GABRG1: variants seen among roughly 807,000 people sequenced by gnomAD.
GABRG1 encodes the protein gamma-aminobutyric acid receptor subunit gamma-1.
Under a neutral mutation model 49.8 loss-of-function variants are expected in GABRG1, and 49 were observed. The ratio of observed to expected loss-of-function variants is 0.98; its 90% CI spans 0.78 to 1.25. The LOEUF (loss-of-function observed/expected upper bound fraction) is 1.25. GABRG1 is among the 50% of genes most tolerant of loss of function. GABRG1 has a pLI of 0.00. For synonymous variants in GABRG1, 232 were observed against 185.1 expected (o/e 1.25, Z -2.06); for missense variants, 552 against 552.3 (o/e 1.00, Z 0.01).
At chr4:46,105,021 G>C (rs755590529) in intron 1 of GABRG1, among the ~76,000 whole-genome samples, 1 of 151,358 alleles carries the variant, frequency 6.6e-6, no homozygotes, top group Non-Finnish European at 1.5e-5. Context: ...ACTTCCTCTT[G>C]AAAACGGTAA....
intron 7 of GABRG1, among the ~76,000 whole-genome samples, chr4:46,052,601 G>T (rs562053352): frequency 4.0e-5 from 6 of 151,826 alleles, no homozygotes; most frequent in African/African-American, 1.4e-4. Flanking sequence ...TTAATCTTAG[G>T]TCTCCTAAAT....
intron 1 of GABRG1, among the ~76,000 whole-genome samples, chr4:46,118,366 C>G (rs79855076): frequency 6.7e-6 from 1 of 150,312 alleles, no homozygotes; most frequent in African/African-American, 2.4e-5. Flanking sequence ...AATATTTTCC[C>G]AGAGTTGCAA....
At chr4:46,119,811 G>A (rs16859096) in intron 1 of GABRG1, among the ~76,000 whole-genome samples, 14,247 of 151,350 alleles carry the variant, frequency 0.094, 1,656 homozygotes, top group African/African-American at 0.28. Context: ...CCATGAATAA[G>A]CATAAGCTGC....
intron 3 of GABRG1, among the ~76,000 whole-genome samples, chr4:46,076,799 A>C (rs114243532): frequency 2.0e-5 from 3 of 151,830 alleles, no homozygotes; most frequent in Non-Finnish European, 2.9e-5. Flanking sequence ...TCTATCTTGA[A>C]GTTTCAAAAA....
At position 46,074,612 on chromosome 4, in the gene GABRG1, G is replaced by C. The variant is rs561042768; in HGVS notation, c.322-9028C>G. ...TTTTTATTATAACAAAATGTCCGAAGTCAAGATATTTAAATAAGTTTTCTC... is the reference window on the plus strand; with the variant it reads ...TTTTTATTATAACAAAATGTCCGAACTCAAGATATTTAAATAAGTTTTCTC... On this transcript the variant is annotated intron_variant, in intron 3 of 8. Transcript: ENST00000295452. Among the ~76,000 whole-genome samples, 3 of 152,178 alleles carry C rather than the reference G, an allele frequency of 2.0e-5. No homozygotes were observed. In the East Asian group the frequency reaches 5.8e-4, roughly 29 times the overall value.
At chr4:46,081,669 T>C (rs2109421251) in intron 3 of GABRG1, among the ~76,000 whole-genome samples, 1 of 151,974 alleles carries the variant, frequency 6.6e-6, no homozygotes, top group Middle Eastern at 3.4e-3. Flanking sequence ...ATTTGAGAAT[T>C]ATCTTTGGAA....
chr4:46,050,789 T>C (rs906634785), intron 8 of GABRG1, among the ~76,000 whole-genome samples: 3 of 151,854 alleles, frequency 2.0e-5, no homozygotes, highest in African/African-American at 7.2e-5. Context: ...AAATCATGCA[T>C]GTAAAATGCT....
chr4:46,072,987 A>G (rs1719187716), intron 3 of GABRG1, among the ~76,000 whole-genome samples: 1 of 151,972 alleles, frequency 6.6e-6, no homozygotes, highest in South Asian at 2.1e-4. Flanking sequence ...AAAATCTAGC[A>G]ATCTGGCAAA....
chr4:46,103,937 G>A (rs1391167), intron 1 of GABRG1, among the ~76,000 whole-genome samples: 12,934 of 151,298 alleles, frequency 0.085, 1,092 homozygotes, highest in African/African-American at 0.21. Context: ...ATGATTAGCT[G>A]CATGTAATCT....
intron 2 of GABRG1, among the ~76,000 whole-genome samples, chr4:46,085,762 G>A (rs779395634): frequency 1.2e-4 from 18 of 151,472 alleles, no homozygotes; most frequent in Admixed American, 4.6e-4. Flanking sequence ...ATACTAATGA[G>A]TAATATTACT....
chr4:46,111,843 T>C (rs1488117361), intron 1 of GABRG1, among the ~76,000 whole-genome samples: 2 of 151,144 alleles, frequency 1.3e-5, no homozygotes, highest in African/African-American at 4.8e-5. Context: ...AATTGACTCA[T>C]GATAGATTAA....
intron 3 of GABRG1, among the ~76,000 whole-genome samples, chr4:46,067,116 GA>G (rs894605991): frequency 6.0e-5 from 9 of 150,002 alleles, no homozygotes; most frequent in South Asian, 2.1e-4. Context: ...ATGAAAAATG[GA>G]AAAAAAAATT....
chr4:46,101,955 C>T, intron 1 of GABRG1, among the ~76,000 whole-genome samples: 1 of 151,554 alleles, frequency 6.6e-6, no homozygotes, highest in East Asian at 2.0e-4. Flanking sequence ...ACTAGTGAGA[C>T]AATAGAAAAT....
chr4:46,120,576 T>C (rs980287856), intron 1 of GABRG1, among the ~76,000 whole-genome samples: 2 of 151,764 alleles, frequency 1.3e-5, no homozygotes, highest in Non-Finnish European at 3.0e-5. Context: ...CTTTACTTAG[T>C]CATTTGCTTT....
chr4:46,079,600 A>C (rs1333255157), intron 3 of GABRG1, among the ~76,000 whole-genome samples: 2 of 151,962 alleles, frequency 1.3e-5, no homozygotes, highest in Non-Finnish European at 2.9e-5. Context: ...ATAAGGGTAT[A>C]CCAGTTCCTA....
chr4:46,090,451 C>A (rs1433254706), intron 2 of GABRG1, among the ~76,000 whole-genome samples: 2 of 151,638 alleles, frequency 1.3e-5, no homozygotes, highest in Non-Finnish European at 2.9e-5. Context: ...ATTAAGAGAA[C>A]CTAGTTTATA....
At chr4:46,100,774 C>T (rs1338959968) in intron 1 of GABRG1, among the ~76,000 whole-genome samples, 1 of 147,092 alleles carries the variant, frequency 6.8e-6, no homozygotes, top group East Asian at 2.0e-4. Context: ...ATCTAAAATC[C>T]ACATGGTGAT....
intron 1 of GABRG1, among the ~76,000 whole-genome samples, chr4:46,105,873 T>A (rs1301868110): frequency 6.6e-6 from 1 of 151,430 alleles, no homozygotes; most frequent in Non-Finnish European, 1.5e-5. Flanking sequence ...GTATGCACTT[T>A]CCTTTGTATT....
intron 2 of GABRG1, among the ~76,000 whole-genome samples, chr4:46,096,073 T>C (rs566729592): frequency 1.3e-5 from 2 of 152,020 alleles, no homozygotes; most frequent in Non-Finnish European, 2.9e-5. Flanking sequence ...TTTGGTTTTG[T>C]GTTCTTGTGT....
Sources: allele counts gnomAD v4.1 joint callset (sites outside exome capture counted in the v4.1 genomes callset), GRCh38; gene constraint gnomAD v4.1.1; transcripts MANE v1.5; gene names NCBI Gene and HGNC (gene_info 2026-07-23, HGNC 2026-07-21).